KNL1: variants seen among roughly 807,000 people sequenced by gnomAD.
The protein encoded by KNL1 is outer kinetochore KNL1 complex subunit KNL1.
A neutral mutation model predicts 201.3 loss-of-function variants in KNL1; 66 were observed. The observed-to-expected ratio is 0.33, with a 90% confidence interval of 0.27 to 0.40. The LOEUF (loss-of-function observed/expected upper bound fraction) is 0.40, where lower values mean the gene tolerates loss of function less well. Among genes scored for constraint, KNL1 ranks in the 10% least tolerant of loss-of-function variants. The pLI is 1.00. For missense variants in KNL1, 2,815 were observed against 2,690.5 expected (o/e 1.05, Z -1.02); for synonymous variants, 895 against 899.2 (o/e 1.00, Z 0.08).
At chr15:40,601,646 C>T (rs535981456) in intron 1 of KNL1, among the ~76,000 whole-genome samples, 1 of 151,514 alleles carries the variant, frequency 6.6e-6, no homozygotes, top group Non-Finnish European at 1.5e-5. Flanking sequence ...GGTGAAACCC[C>T]GTCTCTACTA....
At chr15:40,632,768 T>G (rs1423410307) in intron 13 of KNL1, among the ~76,000 whole-genome samples, 1 of 151,916 alleles carries the variant, frequency 6.6e-6, no homozygotes, top group African/African-American at 2.4e-5. Context: ...GCCTGTAATC[T>G]TAGCACTTTG....
chr15:40,647,369 G>T lies in KNL1; in HGVS notation c.6094+295G>T, dbSNP rs566032753. On this transcript the variant is annotated intron_variant, in intron 17 of 25. Transcript: ENST00000399668. ...GGGCGCCTGTACTCCAGCTACTCGG[G>T]AGGCTGAGGCAGGAGAATAGTTTGA... is the stretch of plus-strand genomic sequence containing the variant. 4.0e-4 allele frequency among the ~76,000 whole-genome samples: 61 copies of T among 152,162 alleles called. No individual in the cohort carries two copies. Among genetic ancestry groups the T allele is most frequent in the African/African-American group, 1.4e-3 (57 of 41,526 alleles).
Position 40,624,645 on chromosome 15 carries a change from A to C in KNL1, c.4381A>C (p.Asn1461His). 2 of 1,613,922 alleles carry C rather than the reference A, an allele frequency of 1.2e-6. No homozygotes were observed. The highest frequency in any genetic ancestry group is 4.5e-5 in the East Asian group (2 of 44,864). Residue 1461 changes from asparagine to histidine, a missense_variant, in exon 10 of 26, where the codon AAT becomes CAT. Transcript: ENST00000399668. ...PLPKKGQSSI[N>H]KEEVILSKAG... is the part of the protein sequence containing the mutation. ...ACCTAAAAAAGGACAGAGTAGTATC[A>C]ATAAAGAAGAAGTAATACTGTCTAA...
intron 8 of KNL1, among the ~76,000 whole-genome samples, chr15:40,616,374 G>T (rs887589477): frequency 1.6e-4 from 25 of 151,756 alleles, no homozygotes; most frequent in African/African-American, 3.9e-4. Flanking sequence ...TGATCCACCC[G>T]CCTCGGCCTC....
chr15:40,659,423 A>G lies in KNL1; in HGVS notation c.6798A>G (p.Pro2266=). The change falls in exon 25 of 26, where the codon CCA becomes CCG. Residue 2266 remains proline, a synonymous_variant. Coordinates refer to ENST00000399668, the MANE Select transcript of KNL1 (RefSeq NM_144508.5). ...LFLSAYYPSV[P]LPSTIQNHVG... ...TCTCAGCCTATTATCCATCTGTACC[A>G]TTACCTTCCACCATTCAGAATCACG... is the stretch of plus-strand genomic sequence containing the variant. 1 of 1,613,852 alleles carries G rather than the reference A, an allele frequency of 6.2e-7. No individual in the cohort carries two copies. Among genetic ancestry groups the G allele is most frequent in the Non-Finnish European group, 8.5e-7 (1 of 1,179,804 alleles).
intron 8 of KNL1, chr15:40,615,776 T>C (rs1595920603): frequency 6.6e-6 from 1 of 151,954 alleles, no homozygotes; most frequent in South Asian, 2.1e-4. Context: ...TTTTTTTTTT[T>C]TCTTTTTGAG....
At chr15:40,620,551 C>A in intron 9 of KNL1, 89 bp from the exon 10 acceptor site, 1 of 730,840 alleles carries the variant, frequency 1.4e-6, no homozygotes, top group Non-Finnish European at 2.2e-6. Flanking sequence ...GAAACCATCA[C>A]TGAGGATTTT....
At chr15:40,646,153 T>G (rs975382295) in intron 16 of KNL1, among the ~76,000 whole-genome samples, 1 of 152,230 alleles carries the variant, frequency 6.6e-6, no homozygotes, top group Non-Finnish European at 1.5e-5. Context: ...TTAGCTTTTT[T>G]AAAAGGCTCT....
At chr15:40,632,210 A>ACCCCCCCCCCCCCCCCC (rs34274284) in intron 13 of KNL1, among the ~76,000 whole-genome samples, 1 of 131,712 alleles carries the variant, frequency 7.6e-6, no homozygotes. Flanking sequence ...ACATAGCGAG[A>ACCCCCCCCCCCCCCCCC]CCCCCCCCCA....
rs1398823677 is a variant in KNL1, at chr15:40,645,788, TAATATC to T, written c.6006+18_6006+23del. 3.1e-6 allele frequency: 4 copies of T among 1,286,722 alleles called. No homozygotes were observed. The highest frequency in any genetic ancestry group is 4.4e-6 in the Non-Finnish European group (4 of 914,240). 79.7% of individuals were successfully genotyped at this position (1,286,722 alleles called of 1,614,324 possible). ...GTCAGCTCAGGTAATTTGAGACAGT[TAATATC>T]ATAGAAAGAGAGAGATATTAAAATT... On this transcript the variant is annotated intron_variant, in intron 16 of 25. Transcript: ENST00000399668.
intron 4 of KNL1, among the ~76,000 whole-genome samples, chr15:40,608,520 C>T (rs977384642): frequency 2.0e-5 from 3 of 147,890 alleles, no homozygotes; most frequent in Non-Finnish European, 3.0e-5. Context: ...CCGAGGTGGG[C>T]CGATCACCTG....
intron 17 of KNL1, among the ~76,000 whole-genome samples, chr15:40,648,356 C>T (rs1462160682): frequency 6.6e-6 from 1 of 152,122 alleles, no homozygotes; most frequent in African/African-American, 2.4e-5. Context: ...CTCTTGAGCC[C>T]AGGAGGTCAA....
At position 40,629,284 on chromosome 15, in the gene KNL1, T is replaced by C. The variant is rs1374942557; in HGVS notation, c.5595T>C (p.Asp1865=). The C allele has an allele frequency of 1.9e-6, 3 of 1,582,798 alleles. No individual in the cohort carries two copies. Among genetic ancestry groups the C allele is most frequent in the African/African-American group, 2.7e-5 (2 of 72,730 alleles). ...TTTTCTTTTCTCAGAAACTCCAAGATGGGAGAATAACAATAAGGGAGTTCT... is the reference window on the plus strand; with the variant it reads ...TTTTCTTTTCTCAGAAACTCCAAGACGGGAGAATAACAATAAGGGAGTTCT... The part of the protein sequence containing the change: ...CEESLREKLQ[D]GRITIREFFI... The change falls in exon 13 of 26, where the codon GAT becomes GAC. Residue 1865 remains aspartate (D), a synonymous_variant. Coordinates refer to ENST00000399668, the MANE Select transcript of KNL1 (RefSeq NM_144508.5).
chr15:40,642,027 AAAG>A (rs879708098), intron 14 of KNL1, among the ~76,000 whole-genome samples: 3 of 152,230 alleles, frequency 2.0e-5, no homozygotes, highest in Non-Finnish European at 2.9e-5. Flanking sequence ...ATCTAACAGA[AAAG>A]AAATAAAATA....
At chr15:40,643,993 G>C (rs1279549280) in intron 14 of KNL1, among the ~76,000 whole-genome samples, 2 of 152,182 alleles carry the variant, frequency 1.3e-5, no homozygotes, top group African/African-American at 2.4e-5. Flanking sequence ...GGTATTTCTA[G>C]TCGGATGGGA....
chr15:40,645,189 T>C (rs1477706073), intron 15 of KNL1, 102 bp downstream of exon 15: 1 of 732,640 alleles, frequency 1.4e-6, no homozygotes. Context: ...ATGAGTTATT[T>C]AACTTATTTT....
chr15:40,655,711 G>A (rs1893707379), intron 22 of KNL1, among the ~76,000 whole-genome samples: 1 of 151,810 alleles, frequency 6.6e-6, no homozygotes, highest in Admixed American at 6.6e-5. Context: ...TCAGGAGATC[G>A]AGACTATCCT....
chr15:40,640,279 TAG>T (rs1410136922), intron 13 of KNL1, among the ~76,000 whole-genome samples: 1 of 151,858 alleles, frequency 6.6e-6, no homozygotes, highest in Non-Finnish European at 1.5e-5. Flanking sequence ...GAATTTTTAA[TAG>T]AGACAGGGTT....
chr15:40,657,125 T>C lies in KNL1; in HGVS notation c.6568T>C (p.Cys2190Arg). ...VEEKESWKKT[C>R]TTQHQLPKML... ...AGAAAAGGAATCCTGGAAGAAGACATGTACAACCCAGCATCAGTTACCCAA... is the reference window on the plus strand; with the variant it reads ...AGAAAAGGAATCCTGGAAGAAGACACGTACAACCCAGCATCAGTTACCCAA... The change falls in exon 23 of 26, where the codon TGT (cysteine) becomes CGT (arginine). Residue 2190 changes from cysteine (C) to arginine (R), a missense_variant. Cys to Arg is a radical substitution (Grantham distance 180). Around this residue, in one of 3 missense-constraint regions of KNL1, gnomAD observed 334 missense variants for 362.6 expected, o/e 0.92. Coordinates refer to ENST00000399668, the MANE Select transcript of KNL1 (RefSeq NM_144508.5). 1 of 1,606,882 alleles carries C rather than the reference T, an allele frequency of 6.2e-7. No individual in the cohort carries two copies. The highest frequency in any genetic ancestry group is 8.5e-7 in the Non-Finnish European group (1 of 1,175,746).
Sources: allele counts gnomAD v4.1 joint callset (sites outside exome capture counted in the v4.1 genomes callset), GRCh38; gene constraint gnomAD v4.1.1; regional missense constraint gnomAD v4.1.1; transcripts MANE v1.5; gene names NCBI Gene and HGNC (gene_info 2026-07-23, HGNC 2026-07-21).